The following OR2L13 variants were observed in gnomAD, a reference collection of about 807,000 sequenced individuals.
OR2L13 encodes the protein olfactory receptor family 2 subfamily L member 13, also known as olfactory receptor 2L13.
Under a neutral mutation model 15.3 loss-of-function variants are expected in OR2L13, and 14 were observed. The observed-to-expected ratio is 0.91, with a 90% CI of 0.60 to 1.43. The LOEUF (loss-of-function observed/expected upper bound fraction) is 1.43, where lower values mean the gene tolerates loss of function less well. OR2L13 is among the 40% of genes most tolerant of loss of function. The probability of loss-of-function intolerance (pLI) is 0.00; values close to 1 mark genes in which losing one functional copy is unlikely to be tolerated. For synonymous variants in OR2L13, 152 were observed against 142.9 expected (o/e 1.06, Z -0.45); for missense variants, 367 against 387.9 (o/e 0.95, Z 0.45).
exon 3 of OR2L13, chr1:248,099,845 C>T (rs1464826661): frequency 6.2e-7 from 1 of 1,613,992 alleles, no homozygotes; most frequent in African/African-American, 1.3e-5. Flanking sequence ...AACTCCTTGG[C>T]ACACACAGTC....
chr1:248,000,213 A>T, the OR2L13 span, among the ~76,000 whole-genome samples: 4 of 151,656 alleles, frequency 2.6e-5, no homozygotes, highest in Non-Finnish European at 5.9e-5. Context: ...TTTGTGATGA[A>T]TAATGGTTTT....
the OR2L13 span, among the ~76,000 whole-genome samples, chr1:247,971,558 C>T: frequency 1.3e-5 from 2 of 151,966 alleles, no homozygotes; most frequent in African/African-American, 2.4e-5. Flanking sequence ...TTGGTTTAAC[C>T]CTCATCTAGA....
At chr1:247,943,105 G>A in the OR2L13 span, among the ~76,000 whole-genome samples, 10 of 152,226 alleles carry the variant, frequency 6.6e-5, no homozygotes, top group South Asian at 1.9e-3. Flanking sequence ...TTCTTCTGTA[G>A]ATGAGCACTT....
chr1:247,956,086 T>G, the OR2L13 span, among the ~76,000 whole-genome samples: 1 of 144,662 alleles, frequency 6.9e-6, no homozygotes, highest in African/African-American at 2.5e-5. Context: ...GGTCTAACAT[T>G]TAAGTCTTTA....
At chr1:247,989,642 A>G in the OR2L13 span, among the ~76,000 whole-genome samples, 1 of 152,194 alleles carries the variant, frequency 6.6e-6, no homozygotes, top group Non-Finnish European at 1.5e-5. Flanking sequence ...AGATTACTTC[A>G]TCATTTAAGA....
chr1:248,082,749 A>G, the OR2L13 span, among the ~76,000 whole-genome samples: 6 of 152,148 alleles, frequency 3.9e-5, no homozygotes, highest in African/African-American at 1.4e-4. Flanking sequence ...ATCTCTACTC[A>G]CCTATGCCTT....
At chr1:247,965,776 A>G in the OR2L13 span, 87 of 1,596,020 alleles carry the variant, frequency 5.5e-5, no homozygotes, top group Non-Finnish European at 5.6e-5. Context: ...ACATTATCCT[A>G]TGCTTATGAG....
the OR2L13 span, among the ~76,000 whole-genome samples, chr1:248,067,499 A>G: frequency 1.3e-5 from 2 of 152,244 alleles, no homozygotes; most frequent in Non-Finnish European, 2.9e-5. Flanking sequence ...TAGCTAAATA[A>G]TATGAGGGCT....
At chr1:248,018,258 C>T in the OR2L13 span, among the ~76,000 whole-genome samples, 17 of 152,014 alleles carry the variant, frequency 1.1e-4, no homozygotes, top group African/African-American at 3.4e-4. Context: ...ATTATTCTGT[C>T]CTATGTTACT....
the OR2L13 span, among the ~76,000 whole-genome samples, chr1:247,979,416 G>T: frequency 6.6e-6 from 1 of 152,016 alleles, no homozygotes; most frequent in African/African-American, 2.4e-5. Flanking sequence ...GTGGTGTTTG[G>T]TTTTCTGTCC....
upstream of OR2L13, among the ~76,000 whole-genome samples, chr1:248,093,288 A>T (rs139943365): frequency 5.3e-5 from 8 of 152,328 alleles, no homozygotes; most frequent in African/African-American, 1.9e-4. Flanking sequence ...CAAAAGGGCC[A>T]TGAGATTTGT....
chr1:247,993,797 GAGAGAGAGAGAGAGAAAGAA>G, the OR2L13 span, among the ~76,000 whole-genome samples: 3 of 136,664 alleles, frequency 2.2e-5, no homozygotes, highest in African/African-American at 1.1e-4. Context: ...GAGAGAGAGA[GAGAGAGAGAGAGAGAAAGAA>G]AGAGAAAGAA....
the OR2L13 span, among the ~76,000 whole-genome samples, chr1:247,978,791 G>A: frequency 6.6e-6 from 1 of 151,852 alleles, no homozygotes; most frequent in Non-Finnish European, 1.5e-5. Context: ...TGTTGCGTAG[G>A]AGCTCTAAGG....
At chr1:248,098,929 A>G (rs1004246283) in intron 2 of OR2L13, among the ~76,000 whole-genome samples, 154 bp downstream of exon 2, 1 of 152,248 alleles carries the variant, frequency 6.6e-6, no homozygotes, top group Non-Finnish European at 1.5e-5. Flanking sequence ...GGAAAAGCCT[A>G]GGCATAAAAA....
upstream of OR2L13, among the ~76,000 whole-genome samples, chr1:248,095,482 C>G (rs1012764773): frequency 1.3e-5 from 2 of 151,714 alleles, no homozygotes; most frequent in African/African-American, 4.8e-5. Flanking sequence ...TAATGCAGAG[C>G]CTATTGATCA....
At chr1:247,957,417 G>T in the OR2L13 span, among the ~76,000 whole-genome samples, 35 of 152,182 alleles carry the variant, frequency 2.3e-4, no homozygotes, top group Non-Finnish European at 4.3e-4. Flanking sequence ...TTTTTGTTGT[G>T]TCTCTGCCTG....
At chr1:247,969,299 G>GTTCAC in the OR2L13 span, among the ~76,000 whole-genome samples, 3 of 152,120 alleles carry the variant, frequency 2.0e-5, no homozygotes, top group Non-Finnish European at 2.9e-5. Context: ...TAGGTTGCCT[G>GTTCAC]TTCACTCTGA....
At chr1:247,991,073 A>G in the OR2L13 span, 1 of 1,584,022 alleles carries the variant, frequency 6.3e-7, no homozygotes, top group Non-Finnish European at 8.7e-7. Flanking sequence ...TCTCCGACAG[A>G]GGACAAGGTT....
At chr1:247,974,271 G>T in the OR2L13 span, among the ~76,000 whole-genome samples, 37 of 151,930 alleles carry the variant, frequency 2.4e-4, no homozygotes, top group African/African-American at 8.5e-4. Context: ...GAACCTTTGT[G>T]GGGGGGCCAA....
Sources: allele counts gnomAD v4.1 joint callset (sites outside exome capture counted in the v4.1 genomes callset), GRCh38; gene constraint gnomAD v4.1.1; transcripts MANE v1.5; gene names NCBI Gene and HGNC (gene_info 2026-07-23, HGNC 2026-07-21).